The following MAP4K4 variants were observed in gnomAD, a reference collection of about 807,000 sequenced individuals.
MAP4K4 encodes the protein mitogen-activated protein kinase kinase kinase kinase 4.
In MAP4K4, 38 loss-of-function variants were observed where a neutral mutation model predicts 189.6. The observed-to-expected ratio is 0.20, with a 90% CI of 0.15 to 0.26. The LOEUF is 0.26. MAP4K4 is among the 10% of genes least tolerant of loss of function. The pLI is 1.00. For missense variants in MAP4K4, 1,054 were observed against 1,726.9 expected (o/e 0.61, Z 6.91); for synonymous variants, 610 against 624.3 (o/e 0.98, Z 0.34).
At chr2:101,871,762 CT>C (rs2098032401) in intron 24 of MAP4K4, 77 bp downstream of exon 24, 2 of 1,321,892 alleles carry the variant, frequency 1.5e-6, no homozygotes, top group East Asian at 2.6e-5. Context: ...CAAAGGAGAC[CT>C]TTCCAACACC....
At chr2:101,735,107 G>A (rs1292972527) in intron 2 of MAP4K4, among the ~76,000 whole-genome samples, 1 of 152,162 alleles carries the variant, frequency 6.6e-6, no homozygotes, top group African/African-American at 2.4e-5. Context: ...CCTTGATTAA[G>A]AGGCTTAATA....
chr2:101,757,081 A>C (rs1227946404), intron 2 of MAP4K4, among the ~76,000 whole-genome samples: 3 of 152,106 alleles, frequency 2.0e-5, no homozygotes, highest in African/African-American at 7.2e-5. Flanking sequence ...TGGCTTCACA[A>C]CTATCTGTGT....
chr2:101,882,746 A>G (rs2098419524), intron 28 of MAP4K4, 61 bp downstream of exon 28: 1 of 1,438,144 alleles, frequency 7.0e-7, no homozygotes. Flanking sequence ...TGAATTTTAA[A>G]CTTTAAATTT....
intron 16 of MAP4K4, among the ~76,000 whole-genome samples, chr2:101,862,793 T>C (rs1212935695): frequency 6.6e-6 from 1 of 152,232 alleles, no homozygotes; most frequent in Non-Finnish European, 1.5e-5. Context: ...TCTAGGATTA[T>C]ACCAATATCT....
chr2:101,859,104 AT>A, intron 14 of MAP4K4, 22 bp downstream of exon 14: 1 of 1,595,686 alleles, frequency 6.3e-7, no homozygotes, highest in Non-Finnish European at 8.6e-7. Context: ...CCTCTGTTTC[AT>A]TCTGTAGCAT....
intron 3 of MAP4K4, among the ~76,000 whole-genome samples, chr2:101,816,493 C>G: frequency 6.6e-6 from 1 of 152,092 alleles, no homozygotes; most frequent in East Asian, 1.9e-4. Context: ...GTATTGTATT[C>G]TTTCTCCCCT....
At chr2:101,789,895 A>G (rs538336762) in intron 2 of MAP4K4, among the ~76,000 whole-genome samples, 1 of 152,118 alleles carries the variant, frequency 6.6e-6, no homozygotes, top group Non-Finnish European at 1.5e-5. Flanking sequence ...TCTGGTATCT[A>G]GTGATATAAA....
rs1190766960 is a variant in MAP4K4, at chr2:101,846,313, ACT to A, written c.1233+2005_1233+2006del. Among the ~76,000 whole-genome samples, 3 of 151,814 alleles carry A rather than the reference ACT, an allele frequency of 2.0e-5. No individual in the cohort carries two copies. The East Asian group carries it at 5.8e-4, about 29-fold the overall frequency. ...TATATTAGAATGCTTGAGTTTTGAGACTCTGGCTGTTTCTAGTTGTTTCTTGA... is the reference window on the plus strand; with the variant it reads ...TATATTAGAATGCTTGAGTTTTGAGACTGGCTGTTTCTAGTTGTTTCTTGA... On this transcript the variant is annotated intron_variant, in intron 12 of 32. Transcript: ENST00000324219.
chr2:101,768,305 C>T (rs766399418), intron 2 of MAP4K4, among the ~76,000 whole-genome samples: 8 of 152,136 alleles, frequency 5.3e-5, no homozygotes, highest in Non-Finnish European at 1.2e-4. Flanking sequence ...AACTGAGCAT[C>T]GTGATATTTA....
intron 2 of MAP4K4, among the ~76,000 whole-genome samples, chr2:101,704,104 G>A (rs1221986417): frequency 2.0e-5 from 3 of 152,246 alleles, no homozygotes; most frequent in African/African-American, 2.4e-5. Context: ...TTTAAGTGTA[G>A]CATCTCTCGT....
At chr2:101,827,367 T>G (rs1044928727) in intron 5 of MAP4K4, among the ~76,000 whole-genome samples, 4 of 152,166 alleles carry the variant, frequency 2.6e-5, no homozygotes, top group Non-Finnish European at 5.9e-5. Flanking sequence ...TCCTGTGTCA[T>G]GCAGTAAGTA....
At chr2:101,828,285 A>T (rs757715746) in intron 5 of MAP4K4, among the ~76,000 whole-genome samples, 2 of 152,220 alleles carry the variant, frequency 1.3e-5, no homozygotes, top group Non-Finnish European at 2.9e-5. Context: ...AAATGAACTG[A>T]AATAATAGAA....
intron 3 of MAP4K4, among the ~76,000 whole-genome samples, chr2:101,821,195 G>T (rs1337127931): frequency 6.6e-6 from 1 of 152,148 alleles, no homozygotes; most frequent in African/African-American, 2.4e-5. Flanking sequence ...GTTTGAATGA[G>T]AATTATTGTA....
At chr2:101,840,699 A>C (rs896975037) in intron 10 of MAP4K4, among the ~76,000 whole-genome samples, 7 of 152,138 alleles carry the variant, frequency 4.6e-5, no homozygotes, top group Non-Finnish European at 7.4e-5. Context: ...TCCTTATAAT[A>C]ACTTTATAGA....
chr2:101,836,850 C>G (rs1185192257), intron 9 of MAP4K4, among the ~76,000 whole-genome samples: 1 of 152,088 alleles, frequency 6.6e-6, no homozygotes, highest in East Asian at 1.9e-4. Context: ...ATGACTTTCC[C>G]TGAGAAAAGC....
rs564660962 is a variant in MAP4K4 at position 101,883,228 on chromosome 2, T to C, written c.3520+543T>C. Among the ~76,000 whole-genome samples the C allele has an allele frequency of 3.3e-5, 5 of 152,370 alleles. No homozygotes were observed. The East Asian group carries it at 9.6e-4, about 29-fold the overall frequency. On this transcript the variant is annotated intron_variant, in intron 28 of 32. Coordinates refer to ENST00000324219, the Ensembl canonical transcript of MAP4K4. ...AGCTACTATGCTCCTTACTAGTAAGTGAGCCCAGCTGGCCAGTCAGTGTTT... is the reference window on the plus strand; with the variant it reads ...AGCTACTATGCTCCTTACTAGTAAGCGAGCCCAGCTGGCCAGTCAGTGTTT...
chr2:101,882,425 G>C, intron 27 of MAP4K4, 126 bp from the exon 28 acceptor site: 1 of 620,050 alleles, frequency 1.6e-6, no homozygotes, highest in East Asian at 3.1e-5. Flanking sequence ...TCTCCAACTT[G>C]TGACTTGCCT....
chr2:101,790,123 C>T (rs1192662744), intron 2 of MAP4K4, among the ~76,000 whole-genome samples: 1 of 152,188 alleles, frequency 6.6e-6, no homozygotes, highest in South Asian at 2.1e-4. Context: ...TTCTTGCAGT[C>T]CCTACATTGG....
Position 101,745,335 on chromosome 2 carries a change from C to A in MAP4K4, c.124-45385C>A, listed in dbSNP as rs533275919. Among the ~76,000 whole-genome samples the A allele has an allele frequency of 3.0e-4, 40 of 131,548 alleles. 3 individuals carry two copies. In the East Asian group the frequency reaches 7.0e-3, roughly 23 times the overall value. 86.3% of individuals were successfully genotyped at this position (131,548 alleles called of 152,430 possible). A position where few individuals can be genotyped will look rare whatever the true frequency, so the allele number is the denominator to read the frequency against. ...GAAAAAAGTGAAAATATCACCCCCCCCCCCCCAATACTGCTGTCCTCCCTC... is the reference window on the plus strand; with the variant it reads ...GAAAAAAGTGAAAATATCACCCCCCACCCCCCAATACTGCTGTCCTCCCTC... On this transcript the variant is annotated intron_variant, in intron 2 of 32. Coordinates refer to ENST00000324219, the Ensembl canonical transcript of MAP4K4.
Sources: gnomAD v4.1 joint callset for allele counts (sites outside exome capture counted in the v4.1 genomes callset) on GRCh38, gnomAD v4.1.1 for gene constraint, MANE v1.5 for transcripts, NCBI Gene and HGNC (gene_info 2026-07-23, HGNC 2026-07-21) for gene names.